The following GABBR2 variants were observed in gnomAD, a reference collection of about 807,000 sequenced individuals.
GABBR2 encodes gamma-aminobutyric acid type B receptor subunit 2.
Under a neutral mutation model 105.6 loss-of-function variants are expected in GABBR2, and 23 were observed. That is an observed-to-expected ratio of 0.22 (90% CI 0.16 to 0.31). The LOEUF (loss-of-function observed/expected upper bound fraction) is 0.31, where lower values mean the gene tolerates loss of function less well. GABBR2 is among the 10% of genes least tolerant of loss of function. The pLI is 1.00. For synonymous variants in GABBR2, 478 were observed against 499.7 expected (o/e 0.96, Z 0.58); for missense variants, 734 against 1,245.5 (o/e 0.59, Z 6.18).
At chr9:98,468,330 T>C (rs562812652) in intron 6 of GABBR2, among the ~76,000 whole-genome samples, 117 of 152,236 alleles carry the variant, frequency 7.7e-4, no homozygotes, top group Non-Finnish European at 1.2e-3. Context: ...GTTCTGCCCT[T>C]TTCTGTGACT....
intron 3 of GABBR2, among the ~76,000 whole-genome samples, chr9:98,523,491 T>C (rs535158982): frequency 6.6e-6 from 1 of 152,328 alleles, no homozygotes; most frequent in South Asian, 2.1e-4. Flanking sequence ...AGGATAAACG[T>C]GTAGCTCTAT....
intron 3 of GABBR2, among the ~76,000 whole-genome samples, chr9:98,516,487 G>C (rs540087300): frequency 2.6e-5 from 4 of 152,268 alleles, no homozygotes; most frequent in South Asian, 4.2e-4. Flanking sequence ...TCTAGGCACG[G>C]AGCTGGGACT....
At chr9:98,658,234 T>C (rs916612089) in intron 1 of GABBR2, among the ~76,000 whole-genome samples, 6 of 152,136 alleles carry the variant, frequency 3.9e-5, no homozygotes, top group Admixed American at 6.5e-5. Flanking sequence ...CCACTGGAGA[T>C]GCACACCAGA....
At chr9:98,541,508 C>A (rs1391598641) in intron 3 of GABBR2, among the ~76,000 whole-genome samples, 14 of 152,164 alleles carry the variant, frequency 9.2e-5, no homozygotes, top group Admixed American at 5.2e-4. Flanking sequence ...CAGCCCTTCC[C>A]CAAAACTCTC....
At chr9:98,678,018 G>A (rs76736582) in intron 1 of GABBR2, among the ~76,000 whole-genome samples, 2,142 of 152,164 alleles carry the variant, frequency 0.014, 52 homozygotes, top group African/African-American at 0.05. Flanking sequence ...TGCATTGTCT[G>A]TCTCCTTTAT....
chr9:98,288,413 G>GAGTT lies in GABBR2; in HGVS notation c.*2167_*2170dup, dbSNP rs1830232934. ...CAGTAAGACAGAGAATGTACTTCGT[G>GAGTT]AGTTAACCTAGAAGACAGCGCACGC... On this transcript the variant is annotated 3_prime_UTR_variant, in exon 19 of 19. Coordinates refer to ENST00000259455, the MANE Select transcript of GABBR2 (RefSeq NM_005458.8). 1 of 152,600 alleles carries GAGTT rather than the reference G, an allele frequency of 6.6e-6. No individual in the cohort carries two copies. The highest frequency in any genetic ancestry group is 2.1e-4 in the South Asian group (1 of 4,830). The allele number at this position is 152,600 out of a possible 1,614,324, so 9.5% of individuals were successfully genotyped here. A position where few individuals can be genotyped will look rare whatever the true frequency, so the allele number is the denominator to read the frequency against.
chr9:98,439,431 T>C (rs78482341), intron 7 of GABBR2, among the ~76,000 whole-genome samples: 9,766 of 152,176 alleles, frequency 0.064, 393 homozygotes, highest in South Asian at 0.14. Context: ...AAAGAGCAAA[T>C]TGGAAAAAGA....
At chr9:98,457,567 G>A (rs544863211) in intron 6 of GABBR2, among the ~76,000 whole-genome samples, 6 of 152,194 alleles carry the variant, frequency 3.9e-5, no homozygotes, top group African/African-American at 9.6e-5. Context: ...TGTCCTTCCC[G>A]GGTACAAGGA....
intron 3 of GABBR2, among the ~76,000 whole-genome samples, chr9:98,508,900 C>T (rs1373204379): frequency 2.6e-5 from 4 of 152,190 alleles, no homozygotes; most frequent in Admixed American, 2.6e-4. Context: ...ATGTCCCTGT[C>T]TGACAGCTTT....
intron 7 of GABBR2, among the ~76,000 whole-genome samples, chr9:98,414,608 C>T (rs897077035): frequency 1.1e-4 from 16 of 152,242 alleles, no homozygotes; most frequent in African/African-American, 3.6e-4. Context: ...AAGGTTAGAA[C>T]AAGTGATATT....
chr9:98,674,544 A>C (rs901260940), intron 1 of GABBR2, among the ~76,000 whole-genome samples: 2 of 152,260 alleles, frequency 1.3e-5, no homozygotes, highest in African/African-American at 2.4e-5. Flanking sequence ...TGTTCCAGGC[A>C]CTGCAGGAGT....
At position 98,607,151 on chromosome 9, in the gene GABBR2, C is replaced by T; in HGVS notation, c.322-29079G>A. Reference sequence around the variant, plus strand: ...AATCAAAGAAGGTGGTGTTCAGTTGCTGCTCACAATAGTTGATACCCCAGG... The same window carrying T: ...AATCAAAGAAGGTGGTGTTCAGTTGTTGCTCACAATAGTTGATACCCCAGG... On this transcript the variant is annotated intron_variant, in intron 1 of 18. Coordinates refer to ENST00000259455, the MANE Select transcript of GABBR2 (RefSeq NM_005458.8). The T allele has an allele frequency of 1.9e-6, 3 of 1,610,160 alleles. No homozygotes were observed. The South Asian group carries it at 3.3e-5, about 18-fold the overall frequency.
intron 11 of GABBR2, among the ~76,000 whole-genome samples, chr9:98,384,889 A>T (rs73497003): frequency 0.065 from 9,970 of 152,296 alleles, 881 homozygotes; most frequent in African/African-American, 0.19. Flanking sequence ...CATAAGAGGA[A>T]TCATTAGGAA....
chr9:98,318,000 A>T (rs1397085215), intron 13 of GABBR2, among the ~76,000 whole-genome samples: 1 of 152,240 alleles, frequency 6.6e-6, no homozygotes, highest in African/African-American at 2.4e-5. Context: ...AAGAAATGCC[A>T]GCCATGTGAA....
intron 8 of GABBR2, 57 bp from the exon 9 acceptor site, chr9:98,394,312 T>C: frequency 7.9e-7 from 1 of 1,258,258 alleles, no homozygotes; most frequent in Non-Finnish European, 1.2e-6. Context: ...TGTGTCTGGG[T>C]GCTCCTATTC....
rs776645179 is a variant in GABBR2, at chr9:98,473,195, A to G, written c.950T>C (p.Val317Ala). The G allele has an allele frequency of 6.2e-7, 1 of 1,613,996 alleles. No homozygotes were observed. The highest frequency in any genetic ancestry group is 8.5e-7 in the Non-Finnish European group (1 of 1,179,966). The change falls in exon 6 of 19, where the codon GTG (valine) becomes GCG (alanine). Residue 317 changes from valine (V) to alanine (A), a missense_variant. This residue lies in a region of GABBR2 where 370 missense variants were observed against 648.9 expected (regional missense o/e 0.57). Transcript: ENST00000259455. ...LLAAMEGYIG[V>A]DFEPLSSKQI... ...CTTGGAGCTCAGGGGCTCGAAATCC[A>G]CGCCAATGTAGCCCTCCATGGCAGC...
At chr9:98,405,455 A>G (rs1832473518) in intron 8 of GABBR2, among the ~76,000 whole-genome samples, 2 of 152,288 alleles carry the variant, frequency 1.3e-5, no homozygotes, top group South Asian at 4.1e-4. Flanking sequence ...CAAACCCCAC[A>G]ACAATGCAAA....
intron 3 of GABBR2, among the ~76,000 whole-genome samples, chr9:98,499,924 G>A (rs1326849164): frequency 2.0e-5 from 3 of 151,960 alleles, no homozygotes; most frequent in African/African-American, 2.4e-5. Context: ...TTAGTGGCAC[G>A]TGCCTGTAAT....
chr9:98,472,900 A>G (rs1826713405), intron 6 of GABBR2, among the ~76,000 whole-genome samples: 1 of 152,176 alleles, frequency 6.6e-6, no homozygotes, highest in Admixed American at 6.5e-5. Flanking sequence ...ATATGTATAC[A>G]TAACATGTGT....
Sources: allele counts gnomAD v4.1 joint callset (sites outside exome capture counted in the v4.1 genomes callset), GRCh38; gene constraint gnomAD v4.1.1; regional missense constraint gnomAD v4.1.1; transcripts MANE v1.5; gene names NCBI Gene and HGNC (gene_info 2026-07-23, HGNC 2026-07-21).